SECISBP2: variants seen among roughly 807,000 people sequenced by gnomAD.
The protein encoded by SECISBP2 is selenocysteine insertion sequence-binding protein 2.
A neutral mutation model predicts 98.2 loss-of-function variants in SECISBP2; 96 were observed. That is an observed-to-expected ratio of 0.98 (90% confidence interval 0.83 to 1.16). The LOEUF (loss-of-function observed/expected upper bound fraction) is 1.16, where lower values mean the gene tolerates loss of function less well. Ranked by LOEUF, SECISBP2 falls within the 50% of genes most tolerant of loss-of-function variation. The pLI, the probability that SECISBP2 is intolerant of heterozygous loss-of-function variation, is 0.00. For missense variants in SECISBP2, 1,046 were observed against 1,022.9 expected, an observed-to-expected ratio of 1.02 and a Z score of -0.31; for synonymous variants, 407 against 370.2, an observed-to-expected ratio of 1.10 and a Z score of -1.14.
In SECISBP2 at chr9:89,346,967, C is replaced by G. The variant is rs761810900; in HGVS notation, c.1521C>G (p.Pro507=). 4 of 1,614,192 alleles carry G rather than the reference C, an allele frequency of 2.5e-6. No individual in the cohort carries two copies. In the South Asian group the frequency reaches 3.3e-5, roughly 13 times the overall value. ...RMSQMKTPHN[P]LDSSAPLMKK... is the part of the protein sequence containing the mutation. ...GTCAAATGAAGACCCCGCACAATCC[C>G]TTGGACTCCAGCGCCCCACTGATGA... The change falls in exon 11 of 17, where the codon CCC becomes CCG. Residue 507 remains proline, a synonymous_variant. Transcript: ENST00000375807.
At chr9:89,320,749 C>T (rs1026838963) in intron 2 of SECISBP2, among the ~76,000 whole-genome samples, 1 of 152,174 alleles carries the variant, frequency 6.6e-6, no homozygotes, top group African/African-American at 2.4e-5. Context: ...TACAAAATGG[C>T]TTCCTCTTGC....
At chr9:89,318,886 C>A in intron 1 of SECISBP2, 1 of 1,245,052 alleles carries the variant, frequency 8.0e-7, no homozygotes, top group Non-Finnish European at 1.0e-6. Flanking sequence ...CCCGGCGCTC[C>A]CCGCAGTCGG....
chr9:89,328,548 ACAACCTGTTGCAT>A (rs1827170730), intron 4 of SECISBP2, 99 bp from the exon 5 acceptor site: 1 of 800,754 alleles, frequency 1.2e-6, no homozygotes. Flanking sequence ...TGTTTTGACA[ACAACCTGTTGCAT>A]CAATAGCAAT....
intron 2 of SECISBP2, chr9:89,322,567 A>G (rs1297464224): frequency 6.6e-6 from 1 of 152,252 alleles, no homozygotes; most frequent in East Asian, 1.9e-4. Context: ...GCTATTCTTC[A>G]AAATTGCTGC....
downstream of SECISBP2, chr9:89,363,286 A>T: frequency 4.0e-6 from 5 of 1,239,486 alleles, no homozygotes; most frequent in Non-Finnish European, 5.5e-6. Context: ...AGTGTTGCAG[A>T]TTTCATAAAG....
intron 6 of SECISBP2, chr9:89,333,923 T>C (rs574103869): frequency 1.8e-5 from 10 of 562,532 alleles, no homozygotes; most frequent in Admixed American, 5.8e-5. Flanking sequence ...AGTTCTCTAG[T>C]GAGGGGAACA....
At chr9:89,337,845 G>A (rs1564379069) in intron 7 of SECISBP2, among the ~76,000 whole-genome samples, 1 of 152,220 alleles carries the variant, frequency 6.6e-6, no homozygotes. Flanking sequence ...GAAAACCATG[G>A]GCAGTCCAAG....
chr9:89,355,535 T>C, intron 14 of SECISBP2: 9 of 980,384 alleles, frequency 9.2e-6, no homozygotes, highest in Non-Finnish European at 1.1e-5. Flanking sequence ...TTTTTATAAG[T>C]TAGCCCTTTG....
At chr9:89,360,727 A>C (rs1302083601), downstream of SECISBP2, 2 of 152,362 alleles carry the variant, frequency 1.3e-5, no homozygotes, top group African/African-American at 4.8e-5. Flanking sequence ...CTCAACGTGC[A>C]GATGGTGCCG....
intron 4 of SECISBP2, among the ~76,000 whole-genome samples, chr9:89,327,249 GT>G (rs1451632760): frequency 1.3e-5 from 2 of 152,196 alleles, no homozygotes; most frequent in Non-Finnish European, 1.5e-5. Flanking sequence ...GTTGCTCTGG[GT>G]GATTCGATGA....
chr9:89,358,826 A>C lies in SECISBP2; in HGVS notation c.*2A>C, dbSNP rs768569407. The C allele has an allele frequency of 1.9e-6, 3 of 1,597,340 alleles. No homozygotes were observed. The highest frequency in any genetic ancestry group is 2.6e-6 in the Non-Finnish European group (3 of 1,164,966). On this transcript the variant is annotated 3_prime_UTR_variant, in exon 17 of 17. Coordinates refer to ENST00000375807, the MANE Select transcript of SECISBP2 (RefSeq NM_024077.5). ...CAAATGATGAATTTGAATTTATGAG[A>C]GTTCTTGCCTGTGTGTCTGTATTTT...
At chr9:89,362,310 G>T (rs1189899033), downstream of SECISBP2, 1 of 1,608,450 alleles carries the variant, frequency 6.2e-7, no homozygotes, top group Non-Finnish European at 8.5e-7. Flanking sequence ...TCACAGTTGT[G>T]GGGGACCAGG....
chr9:89,320,880 T>C (rs1266425140), intron 2 of SECISBP2, among the ~76,000 whole-genome samples: 1 of 152,256 alleles, frequency 6.6e-6, no homozygotes, highest in Non-Finnish European at 1.5e-5. Context: ...TGCTTTTTTC[T>C]TCTTTGATAT....
At chr9:89,363,877 A>C (rs574255152), downstream of SECISBP2, 8 of 1,614,004 alleles carry the variant, frequency 5.0e-6, no homozygotes, top group Admixed American at 1.3e-4. Context: ...CGGGCAGTGC[A>C]TGGGTCTGCA....
At chr9:89,352,950 C>T (rs1831508944) in intron 14 of SECISBP2, among the ~76,000 whole-genome samples, 1 of 151,576 alleles carries the variant, frequency 6.6e-6, no homozygotes, top group African/African-American at 2.4e-5. Flanking sequence ...GTAGTTTGCT[C>T]TGTTTGTTTT....
chr9:89,333,043 T>C, intron 6 of SECISBP2, 57 bp downstream of exon 6: 1 of 1,425,756 alleles, frequency 7.0e-7, no homozygotes, highest in East Asian at 2.3e-5. Flanking sequence ...TTTAAGTTCA[T>C]TTTTAACTCC....
At chr9:89,364,092 C>T, downstream of SECISBP2, 1 of 1,543,820 alleles carries the variant, frequency 6.5e-7, no homozygotes, top group Non-Finnish European at 8.7e-7. Flanking sequence ...GTCCCTGGGA[C>T]TGCCCTGGAG....
chr9:89,350,661 T>A lies in SECISBP2; in HGVS notation c.1922T>A (p.Val641Glu). The A allele has an allele frequency of 6.2e-7, 1 of 1,614,118 alleles. No individual in the cohort carries two copies. The highest frequency in any genetic ancestry group is 8.5e-7 in the Non-Finnish European group (1 of 1,179,980). The change falls in exon 14 of 17, where the codon GTG (valine) becomes GAG (glutamate). Residue 641 changes from valine to glutamate, a missense_variant. Physicochemically the swap from Val to Glu is moderately radical, Grantham distance 121. Transcript: ENST00000375807. ...DYCSQMLSKE[V>E]DACVTDLLKE... ...TGCAGCCAGATGCTTAGTAAAGAAG[T>A]GGATGCTTGTGTTACCGACCTACTC...
intron 10 of SECISBP2, among the ~76,000 whole-genome samples, chr9:89,345,139 C>T (rs1381421823): frequency 6.6e-6 from 1 of 152,176 alleles, no homozygotes; most frequent in African/African-American, 2.4e-5. Context: ...TTCTTGTTGA[C>T]CGCCCCATAG....
Sources: gnomAD v4.1 joint callset for allele counts (sites outside exome capture counted in the v4.1 genomes callset) on GRCh38, gnomAD v4.1.1 for gene constraint, MANE v1.5 for transcripts, NCBI Gene and HGNC (gene_info 2026-07-23, HGNC 2026-07-21) for gene names.